The following TTC3 variants were observed in gnomAD, a reference collection of about 807,000 sequenced individuals.
TTC3 encodes the protein tetratricopeptide repeat domain 3, also known as E3 ubiquitin-protein ligase TTC3.
A neutral mutation model predicts 249.6 loss-of-function variants in TTC3; 180 were observed. The observed-to-expected ratio is 0.72, with a 90% CI of 0.64 to 0.82. TTC3 has a LOEUF of 0.82. TTC3 is among the 40% of genes least tolerant of loss of function. The pLI, the probability that TTC3 is intolerant of heterozygous loss-of-function variation, is 0.00. For synonymous variants in TTC3, 717 were observed against 805.0 expected, an observed-to-expected ratio of 0.89 and a Z score of 1.85; for missense variants, 2,061 against 2,398.4, an observed-to-expected ratio of 0.86 and a Z score of 2.94.
In TTC3 at chr21:37,132,240, A is replaced by G. The variant is rs557138419; in HGVS notation, c.1359-442A>G. 3.9e-5 allele frequency among the ~76,000 whole-genome samples: 6 copies of G among 152,068 alleles called. No individual in the cohort carries two copies. The South Asian group carries it at 1.2e-3, about 32-fold the overall frequency. ...AACTTGTATGGCTCACCATTTACTC[A>G]CTATTTTACATGGCCTTCAGTAAAT... On this transcript the variant is annotated intron_variant, in intron 16 of 45. Transcript: ENST00000355666.
At chr21:37,118,417 A>G (rs1295635051) in intron 11 of TTC3, among the ~76,000 whole-genome samples, 2 of 152,200 alleles carry the variant, frequency 1.3e-5, no homozygotes, top group African/African-American at 4.8e-5. Flanking sequence ...TTTGTCCTGA[A>G]GAGTGAGAAT....
intron 1 of TTC3, chr21:37,082,732 G>T: frequency 1.0e-6 from 1 of 984,876 alleles, no homozygotes; most frequent in Non-Finnish European, 1.2e-6. Context: ...TTTTAATCTA[G>T]GATATACCTT....
chr21:37,088,398 C>T (rs2147668825), intron 4 of TTC3, 52 bp downstream of exon 4: 1 of 1,548,668 alleles, frequency 6.5e-7, no homozygotes, highest in East Asian at 2.3e-5. Flanking sequence ...AACATGTTAC[C>T]CAATACCAAG....
At chr21:37,099,103 G>C (rs780535955) in intron 10 of TTC3, 6 of 152,090 alleles carry the variant, frequency 3.9e-5, no homozygotes, top group Non-Finnish European at 8.8e-5. Context: ...AGGAATAAAA[G>C]GGTTAAAGTC....
At chr21:37,107,057 G>A (rs1444607044) in intron 10 of TTC3, among the ~76,000 whole-genome samples, 1 of 145,610 alleles carries the variant, frequency 6.9e-6, no homozygotes, top group Non-Finnish European at 1.5e-5. Context: ...TGGTCAGGTT[G>A]TCTATCCTTA....
chr21:37,203,055 T>A (rs2085629137), exon 46 of TTC3: 1 of 152,246 alleles, frequency 6.6e-6, no homozygotes, highest in African/African-American at 2.4e-5. Flanking sequence ...CTTGTGAACA[T>A]GCCTTATATT....
chr21:37,161,524 A>G (rs2080749039), intron 30 of TTC3, among the ~76,000 whole-genome samples: 1 of 150,694 alleles, frequency 6.6e-6, no homozygotes, highest in South Asian at 2.1e-4. Flanking sequence ...CGATCTGCCT[A>G]CTTTGGCCTT....
chr21:37,161,697 T>G (rs1023060545), intron 30 of TTC3, among the ~76,000 whole-genome samples: 3 of 152,234 alleles, frequency 2.0e-5, no homozygotes, highest in African/African-American at 7.2e-5. Flanking sequence ...AATACAACTT[T>G]TATTTTTATC....
At chr21:37,135,049 CTGT>C (rs1212050712) in intron 17 of TTC3, among the ~76,000 whole-genome samples, 1 of 152,140 alleles carries the variant, frequency 6.6e-6, no homozygotes. Context: ...TAAATGATGG[CTGT>C]TGTTTTTCAT....
chr21:37,182,661 C>T (rs2082865260), intron 35 of TTC3, 113 bp from the exon 36 acceptor site: 1 of 1,127,870 alleles, frequency 8.9e-7, no homozygotes, highest in South Asian at 1.8e-5. Context: ...GTGTGTTCCA[C>T]TGAACTTAGG....
At chr21:37,162,941 T>G (rs1411840255) in intron 31 of TTC3, among the ~76,000 whole-genome samples, 2 of 152,140 alleles carry the variant, frequency 1.3e-5, no homozygotes, top group African/African-American at 4.8e-5. Context: ...CTGGGGCCTC[T>G]TTTATAAGGG....
At chr21:37,153,015 G>C in exon 27 of TTC3, 1 of 1,614,040 alleles carries the variant, frequency 6.2e-7, no homozygotes, top group South Asian at 1.1e-5. Flanking sequence ...GTATAAAGCA[G>C]TATGCTGACA....
At chr21:37,153,699 G>T (rs551915248) in intron 27 of TTC3, among the ~76,000 whole-genome samples, 8 of 152,318 alleles carry the variant, frequency 5.3e-5, no homozygotes, top group Middle Eastern at 3.4e-3. Flanking sequence ...TAAACTATTT[G>T]TAAATGTGTA....
chr21:37,098,812 T>G (rs2074198034), intron 10 of TTC3: 1 of 152,222 alleles, frequency 6.6e-6, no homozygotes, highest in South Asian at 2.1e-4. Flanking sequence ...GTAATTCAGA[T>G]GTGCCATTGA....
At chr21:37,140,584 G>A (rs1475455448) in exon 20 of TTC3, 2 of 1,595,550 alleles carry the variant, frequency 1.3e-6, no homozygotes, top group Non-Finnish European at 1.7e-6. Context: ...CCGAAAACCA[G>A]TTTAAGAGGA....
At chr21:37,199,119 C>T (rs1037387357) in intron 44 of TTC3, among the ~76,000 whole-genome samples, 4 of 152,216 alleles carry the variant, frequency 2.6e-5, no homozygotes, top group African/African-American at 4.8e-5. Context: ...CCTCCTGGGC[C>T]GAGTCATGCC....
chr21:37,202,133 C>T (rs2085553459), exon 46 of TTC3: 1 of 152,114 alleles, frequency 6.6e-6, no homozygotes, highest in Admixed American at 6.5e-5. Context: ...CTGATTTAGA[C>T]CAAAAGATTC....
At chr21:37,179,722 A>G (rs2082586004) in intron 35 of TTC3, among the ~76,000 whole-genome samples, 1 of 151,880 alleles carries the variant, frequency 6.6e-6, no homozygotes, top group Admixed American at 6.6e-5. Context: ...CCAAGGTAGA[A>G]CTCCTGGGCT....
chr21:37,175,470 G>A (rs1569146352), intron 35 of TTC3, among the ~76,000 whole-genome samples: 1 of 150,726 alleles, frequency 6.6e-6, no homozygotes, highest in African/African-American at 2.4e-5. Context: ...GGTGGTGGGC[G>A]CCTGTAATCC....
Sources: gnomAD v4.1 joint callset for allele counts (sites outside exome capture counted in the v4.1 genomes callset) on GRCh38, gnomAD v4.1.1 for gene constraint, MANE v1.5 for transcripts, NCBI Gene and HGNC (gene_info 2026-07-23, HGNC 2026-07-21) for gene names.